MMP17: variants seen among roughly 807,000 people sequenced by gnomAD.
MMP17 encodes the protein matrix metallopeptidase 17.
Under a neutral mutation model 49.1 loss-of-function variants are expected in MMP17, and 54 were observed. That is an observed-to-expected ratio of 1.10 (90% CI 0.88 to 1.38). MMP17 has a LOEUF of 1.38. MMP17 is among the 40% of genes most tolerant of loss of function. The probability of loss-of-function intolerance (pLI) is 0.00; values close to 1 mark genes in which losing one functional copy is unlikely to be tolerated. For synonymous variants in MMP17, 397 were observed against 383.1 expected (o/e 1.04, Z -0.42); for missense variants, 837 against 853.7 (o/e 0.98, Z 0.24).
chr12:131,849,001 C>T (rs548553847), intron 8 of MMP17, among the ~76,000 whole-genome samples: 3 of 152,182 alleles, frequency 2.0e-5, no homozygotes, highest in South Asian at 4.1e-4. Context: ...TCTCCCGCAG[C>T]GGCTGCACAA....
chr12:131,838,718 G>T lies in MMP17; in HGVS notation c.399G>T (p.Trp133Cys). The T allele has an allele frequency of 6.3e-7, 1 of 1,590,624 alleles. No individual in the cohort carries two copies. Among genetic ancestry groups the T allele is most frequent in the Non-Finnish European group, 8.6e-7 (1 of 1,169,572 alleles). The part of the protein sequence containing the change: ...RRRQAPAPTK[W>C]NKRNLSWRVR... ...GCCAGGCTCCAGCCCCCACCAAGTG[G>T]AACAAGAGGAACCTGTCGTGGAGGT... is the stretch of plus-strand genomic sequence containing the variant. Residue 133 changes from tryptophan (W) to cysteine (C), a missense_variant, in exon 3 of 10, where the codon TGG becomes TGT. Transcript: ENST00000360564.
chr12:131,841,504 C>T (rs938678396), intron 4 of MMP17, 120 bp from the exon 5 acceptor site: 33 of 1,029,862 alleles, frequency 3.2e-5, no homozygotes, highest in African/African-American at 2.2e-4. Context: ...ATCCCTCTGG[C>T]GCAGCCGGCA....
chr12:131,851,047 G>C lies in MMP17; in HGVS notation c.1585G>C (p.Asp529His). 1 of 1,608,218 alleles carries C rather than the reference G, an allele frequency of 6.2e-7. No individual in the cohort carries two copies. Among genetic ancestry groups the C allele is most frequent in the Non-Finnish European group, 8.5e-7 (1 of 1,177,730 alleles). ...GCTGGTGTGTGGAGACTCACAGGCC[G>C]ATGGATCTGTGGCTGCGGGCGTGGA... ...DWLVCGDSQA[D>H]GSVAAGVDAA... Residue 529 changes from aspartate (D) to histidine (H), a missense_variant, in exon 10 of 10, where the codon GAT becomes CAT. Transcript: ENST00000360564.
chr12:131,847,913 T>C (rs1047787959), intron 8 of MMP17, among the ~76,000 whole-genome samples: 7 of 152,064 alleles, frequency 4.6e-5, no homozygotes, highest in Non-Finnish European at 1.0e-4. Flanking sequence ...CCCTGCCTGG[T>C]TCCCTACCAG....
chr12:131,850,807 C>T (rs1045544157), intron 9 of MMP17, 118 bp from the exon 10 acceptor site: 137 of 720,702 alleles, frequency 1.9e-4, no homozygotes, highest in Admixed American at 2.5e-4. Context: ...CTGTCTGGCC[C>T]GACTCGAGCC....
chr12:131,838,595 C>G lies in MMP17; in HGVS notation c.293-17C>G. On this transcript the variant is annotated splice_polypyrimidine_tract_variant and intron_variant, in intron 2 of 9. Transcript: ENST00000360564. ...AGTGAGCTGGGCTAGGCTCTGAGCT[C>G]CATGCTTTCCCTGCAGACGAGGCCA... The G allele has an allele frequency of 6.2e-7, 1 of 1,606,066 alleles. No homozygotes were observed. The highest frequency in any genetic ancestry group is 8.5e-7 in the Non-Finnish European group (1 of 1,176,526).
chr12:131,844,779 C>T (rs1236031567), intron 6 of MMP17: 1 of 352,252 alleles, frequency 2.8e-6, no homozygotes, highest in Admixed American at 4.0e-5. Context: ...GAATTCTAGG[C>T]CCGGGCTTGG....
chr12:131,834,557 G>C (rs182673961), intron 1 of MMP17, among the ~76,000 whole-genome samples: 1 of 152,180 alleles, frequency 6.6e-6, no homozygotes, highest in Admixed American at 6.5e-5. Flanking sequence ...CGGGGAGTCT[G>C]GGCCCCCACC....
intron 8 of MMP17, among the ~76,000 whole-genome samples, chr12:131,849,459 G>A (rs1227915168): frequency 6.6e-6 from 1 of 152,208 alleles, no homozygotes; most frequent in Admixed American, 6.5e-5. Context: ...CTCCAGCCTG[G>A]GTGACACAGC....
At chr12:131,844,714 C>CT in intron 6 of MMP17, 1 of 256,338 alleles carries the variant, frequency 3.9e-6, no homozygotes, top group Non-Finnish European at 7.7e-6. Context: ...TGCACCTTGT[C>CT]CCTGACCTTC....
At position 131,849,900 on chromosome 12, in the gene MMP17, T is replaced by C; in HGVS notation, c.1303T>C (p.Phe435Leu). 1 of 1,614,056 alleles carries C rather than the reference T, an allele frequency of 6.2e-7. No individual in the cohort carries two copies. The highest frequency in any genetic ancestry group is 8.5e-7 in the Non-Finnish European group (1 of 1,180,024). ...CCCGCCTGGCGGCATCGACGCTGCC[T>C]TCTCCTGGGCCCACAATGACAGGAC... ...SLPPGGIDAA[F>L]SWAHNDRTYF... Residue 435 changes from phenylalanine to leucine, a missense_variant, in exon 9 of 10, where the codon TTC becomes CTC. Transcript: ENST00000360564.
At chr12:131,837,179 T>C (rs1461808759) in intron 1 of MMP17, among the ~76,000 whole-genome samples, 1 of 152,190 alleles carries the variant, frequency 6.6e-6, no homozygotes, top group African/African-American at 2.4e-5. Flanking sequence ...CACGTCCTCA[T>C]CACCAGCCTG....
chr12:131,840,788 C>G lies in MMP17; in HGVS notation c.638C>G (p.Pro213Arg). Reference protein sequence around the residue: ...PGGTVAHAFFPGHHHTAGDTH... With the variant: ...PGGTVAHAFFRGHHHTAGDTH... ...GGCACCGTGGCCCACGCCTTCTTCC[C>G]CGGCCACCACCACACCGCCGGGGAC... The change falls in exon 4 of 10, where the codon CCC becomes CGC. Residue 213 changes from proline (P) to arginine (R), a missense_variant. Coordinates refer to ENST00000360564, the MANE Select transcript of MMP17 (RefSeq NM_016155.7). 1 of 1,605,990 alleles carries G rather than the reference C, an allele frequency of 6.2e-7. No individual in the cohort carries two copies.
chr12:131,847,475 C>T (rs1245277547), intron 8 of MMP17, among the ~76,000 whole-genome samples: 1 of 151,958 alleles, frequency 6.6e-6, no homozygotes, highest in Non-Finnish European at 1.5e-5. Context: ...AAGAAAATTA[C>T]TTGCAAACCT....
At chr12:131,830,081 G>T (rs898247415) in intron 1 of MMP17, among the ~76,000 whole-genome samples, 1 of 152,252 alleles carries the variant, frequency 6.6e-6, no homozygotes, top group South Asian at 2.1e-4. Flanking sequence ...CAGGTCCGAG[G>T]GTGCCGCAGA....
intron 1 of MMP17, among the ~76,000 whole-genome samples, chr12:131,835,350 C>T (rs1276702289): frequency 1.3e-5 from 2 of 152,230 alleles, no homozygotes; most frequent in African/African-American, 2.4e-5. Context: ...TGAGTTGAAG[C>T]AGGCTGGCCG....
intron 4 of MMP17, 43 bp downstream of exon 4, chr12:131,840,899 C>T (rs539439428): frequency 2.0e-5 from 30 of 1,524,886 alleles, no homozygotes; most frequent in Admixed American, 1.0e-4. Flanking sequence ...GGAGCCCCAG[C>T]GGCCTGTGAG....
intron 1 of MMP17, 164 bp from the exon 2 acceptor site, chr12:131,838,031 A>G: frequency 1.2e-6 from 1 of 859,704 alleles, no homozygotes; most frequent in Non-Finnish European, 1.7e-6. Context: ...GTTTATTAAG[A>G]CACTTTTCCG....
At chr12:131,838,108 C>G in intron 1 of MMP17, 87 bp from the exon 2 acceptor site, 1 of 1,475,566 alleles carries the variant, frequency 6.8e-7, no homozygotes, top group Non-Finnish European at 9.1e-7. Context: ...GGGGCCTGCC[C>G]GGAAGCAGTG....
Sources: allele counts gnomAD v4.1 joint callset (sites outside exome capture counted in the v4.1 genomes callset), GRCh38; gene constraint gnomAD v4.1.1; transcripts MANE v1.5; gene names NCBI Gene and HGNC (gene_info 2026-07-23, HGNC 2026-07-21).